Variants in HS3ST3A1 observed in about 807,000 individuals in gnomAD.
HS3ST3A1 encodes the protein heparan sulfate glucosamine 3-O-sulfotransferase 3A1.
A neutral mutation model predicts 25.7 loss-of-function variants in HS3ST3A1; 19 were observed. The ratio of observed to expected loss-of-function variants is 0.74; its 90% CI spans 0.52 to 1.08. The LOEUF (loss-of-function observed/expected upper bound fraction) is 1.08. Among genes scored for constraint, HS3ST3A1 ranks in the 50% least tolerant of loss-of-function variants. The probability of loss-of-function intolerance (pLI) is 0.00; values close to 1 mark genes in which losing one functional copy is unlikely to be tolerated. For missense variants in HS3ST3A1, 459 were observed against 594.3 expected (o/e 0.77, Z 2.37); for synonymous variants, 226 against 278.6 (o/e 0.81, Z 1.88).
chr17:13,536,596 G>A (rs1270600433), intron 1 of HS3ST3A1, among the ~76,000 whole-genome samples: 1 of 152,148 alleles, frequency 6.6e-6, no homozygotes, highest in Non-Finnish European at 1.5e-5. Flanking sequence ...GTTGCTAACT[G>A]ACCACGCCCA....
In HS3ST3A1 at chr17:13,601,515, T is replaced by G; in HGVS notation, c.-386A>C. The G allele has an allele frequency of 1.1e-5, 2 of 185,606 alleles. No individual in the cohort carries two copies. Among genetic ancestry groups the G allele is most frequent in the East Asian group, 1.4e-4 (1 of 6,908 alleles). The allele number at this position is 185,606 out of a possible 1,614,324, so 11.5% of individuals were successfully genotyped here. On this transcript the variant is annotated 5_prime_UTR_variant, in exon 1 of 2. Transcript: ENST00000284110. ...CGTCTCAGCCCCGGCCCCGAGAGAC[T>G]TCTCGGCGCGGATCTCCGCTCAGCG...
Position 13,496,014 on chromosome 17 carries a change from T to G in HS3ST3A1, c.*183A>C, listed in dbSNP as rs1905253198. On this transcript the variant is annotated 3_prime_UTR_variant, in exon 2 of 2. Coordinates refer to ENST00000284110, the MANE Select transcript of HS3ST3A1 (RefSeq NM_006042.3). ...GACGAGTGAAATTTTCCTTTTCTGT[T>G]GATCCACGTGTTTGGTGTTGGTTAT... 1 of 702,836 alleles carries G rather than the reference T, an allele frequency of 1.4e-6. No individual in the cohort carries two copies. Among genetic ancestry groups the G allele is most frequent in the Non-Finnish European group, 2.2e-6 (1 of 461,598 alleles). 43.5% of individuals were successfully genotyped at this position (702,836 alleles called of 1,614,324 possible). A position where few individuals can be genotyped will look rare whatever the true frequency, so the allele number is the denominator to read the frequency against.
chr17:13,599,961 G>GC (rs1908675093), intron 1 of HS3ST3A1, among the ~76,000 whole-genome samples: 2 of 152,212 alleles, frequency 1.3e-5, no homozygotes, highest in Non-Finnish European at 1.5e-5. Flanking sequence ...GTGCCTGGTT[G>GC]CTTTCCCTTG....
intron 1 of HS3ST3A1, among the ~76,000 whole-genome samples, chr17:13,599,057 T>C (rs1237549903): frequency 6.6e-6 from 1 of 152,138 alleles, no homozygotes; most frequent in Non-Finnish European, 1.5e-5. Context: ...GTGTCCTTGA[T>C]GGAAAAAACA....
At chr17:13,579,943 TAAAAAAAAAAAAAAA>T (rs66568347) in intron 1 of HS3ST3A1, among the ~76,000 whole-genome samples, 22 of 81,948 alleles carry the variant, frequency 2.7e-4, no homozygotes, top group Non-Finnish European at 4.0e-4. Context: ...TGACTCTGTC[TAAAAAAAAAAAAAAA>T]AAAAAAAAGA....
chr17:13,588,984 A>G (rs1908351391), intron 1 of HS3ST3A1, among the ~76,000 whole-genome samples: 1 of 152,176 alleles, frequency 6.6e-6, no homozygotes. Context: ...TGATTTTATC[A>G]GACATTCATG....
chr17:13,579,943 TAAAAAAAAAAAAAAAAAAA>T (rs66568347), intron 1 of HS3ST3A1, among the ~76,000 whole-genome samples: 851 of 81,982 alleles, frequency 0.01, 15 homozygotes, highest in African/African-American at 0.04. Flanking sequence ...TGACTCTGTC[TAAAAAAAAAAAAAAAAAAA>T]AAAAGAAAAA....
At chr17:13,551,455 C>T (rs1410084411) in intron 1 of HS3ST3A1, among the ~76,000 whole-genome samples, 2 of 151,940 alleles carry the variant, frequency 1.3e-5, no homozygotes, top group Non-Finnish European at 2.9e-5. Context: ...ACAGAGGTTT[C>T]CAACACTCAC....
At chr17:13,518,499 G>A (rs958474477) in intron 1 of HS3ST3A1, among the ~76,000 whole-genome samples, 22 of 152,108 alleles carry the variant, frequency 1.4e-4, no homozygotes, top group African/African-American at 5.1e-4. Context: ...GTGTGTTGAC[G>A]GGTCCAATTC....
At chr17:13,539,966 G>A (rs1906882705) in intron 1 of HS3ST3A1, among the ~76,000 whole-genome samples, 1 of 152,188 alleles carries the variant, frequency 6.6e-6, no homozygotes, top group Non-Finnish European at 1.5e-5. Context: ...GTGCTCCTGG[G>A]CACCCCAGTT....
intron 1 of HS3ST3A1, among the ~76,000 whole-genome samples, chr17:13,518,009 T>C (rs868043895): frequency 6.6e-6 from 1 of 152,158 alleles, no homozygotes; most frequent in Non-Finnish European, 1.5e-5. Flanking sequence ...GGAAGGATTC[T>C]AGAAGAAAAG....
intron 1 of HS3ST3A1, among the ~76,000 whole-genome samples, chr17:13,562,113 G>C (rs1860328420): frequency 1.3e-5 from 2 of 152,064 alleles, no homozygotes; most frequent in Non-Finnish European, 2.9e-5. Flanking sequence ...ATAAATAACG[G>C]ATATACCTCC....
intron 1 of HS3ST3A1, among the ~76,000 whole-genome samples, chr17:13,560,464 C>T (rs370777363): frequency 1.2e-4 from 18 of 151,952 alleles, no homozygotes; most frequent in African/African-American, 1.9e-4. Flanking sequence ...AATACTTCCA[C>T]GTGTATTACC....
chr17:13,519,773 C>G (rs775629268), intron 1 of HS3ST3A1, among the ~76,000 whole-genome samples: 1 of 151,666 alleles, frequency 6.6e-6, no homozygotes, highest in African/African-American at 2.4e-5. Flanking sequence ...TAATCTTTAC[C>G]AAGTCTAGAA....
intron 1 of HS3ST3A1, 108 bp from the exon 2 acceptor site, chr17:13,496,926 C>A (rs1238461850): frequency 4.8e-6 from 7 of 1,460,506 alleles, no homozygotes; most frequent in Non-Finnish European, 6.4e-6. Context: ...CCCCGCAACC[C>A]CCCACTTGCT....
intron 1 of HS3ST3A1, among the ~76,000 whole-genome samples, chr17:13,503,954 C>T (rs1456093240): frequency 6.6e-6 from 1 of 152,186 alleles, no homozygotes; most frequent in East Asian, 1.9e-4. Flanking sequence ...CTCCAAATGT[C>T]CACCCAAAAT....
intron 1 of HS3ST3A1, among the ~76,000 whole-genome samples, chr17:13,550,778 T>A (rs1276536784): frequency 6.6e-6 from 1 of 151,986 alleles, no homozygotes; most frequent in African/African-American, 2.4e-5. Flanking sequence ...TTTTTAAAAA[T>A]TCAAATCAGG....
In HS3ST3A1 at chr17:13,496,770, C is replaced by T. The variant is rs367953318; in HGVS notation, c.648G>A (p.Thr216=). ...CCTCCCGCGTGACGAAGTAACTGGG[C>T]GTCTTCTCCATGGTGATCTGCCCGT... The part of the protein sequence containing the change: ...TLDGQITMEK[T]PSYFVTREAP... The change falls in exon 2 of 2, where the codon ACG becomes ACA. Residue 216 remains threonine (T), a synonymous_variant. Transcript: ENST00000284110. 39 of 1,613,910 alleles carry T rather than the reference C, an allele frequency of 2.4e-5. No individual in the cohort carries two copies. The East Asian group carries it at 2.5e-4, about 10-fold the overall frequency.
intron 1 of HS3ST3A1, among the ~76,000 whole-genome samples, chr17:13,579,655 C>T (rs999990964): frequency 1.5e-4 from 19 of 128,598 alleles, no homozygotes; most frequent in African/African-American, 5.0e-4. Flanking sequence ...GAGCCAAGAT[C>T]ACACTACTGC....
Sources: allele counts gnomAD v4.1 joint callset (sites outside exome capture counted in the v4.1 genomes callset), GRCh38; gene constraint gnomAD v4.1.1; transcripts MANE v1.5; gene names NCBI Gene and HGNC (gene_info 2026-07-23, HGNC 2026-07-21).